The following PTPRT variants were observed in gnomAD, a reference collection of about 807,000 sequenced individuals.
PTPRT encodes protein tyrosine phosphatase receptor type T.
PTPRT carries 56 observed loss-of-function variants against 176.8 expected under a neutral mutation model. The ratio of observed to expected loss-of-function variants is 0.32; its 90% CI spans 0.26 to 0.40. The LOEUF (loss-of-function observed/expected upper bound fraction) is 0.40. Among genes scored for constraint, PTPRT ranks in the 10% least tolerant of loss-of-function variants. The probability of loss-of-function intolerance (pLI) is 1.00; values close to 1 mark genes in which losing one functional copy is unlikely to be tolerated. For missense variants in PTPRT, 1,540 were observed against 1,908.2 expected (o/e 0.81, Z 3.60); for synonymous variants, 783 against 739.0 (o/e 1.06, Z -0.96).
intron 12 of PTPRT, among the ~76,000 whole-genome samples, chr20:42,304,227 AT>A (rs2057512133): frequency 6.6e-6 from 1 of 151,826 alleles, no homozygotes; most frequent in African/African-American, 2.4e-5. Flanking sequence ...GACTTCACTA[AT>A]TTTTTTCCTC....
chr20:42,246,853 C>A (rs1336047906), intron 14 of PTPRT, among the ~76,000 whole-genome samples: 1 of 152,202 alleles, frequency 6.6e-6, no homozygotes, highest in Non-Finnish European at 1.5e-5. Context: ...ATATCTGTAA[C>A]TCTAAGAAAC....
chr20:42,511,774 T>C (rs886578345), intron 7 of PTPRT, among the ~76,000 whole-genome samples: 32 of 152,074 alleles, frequency 2.1e-4, no homozygotes, highest in Admixed American at 1.9e-3. Flanking sequence ...AAGGTCTATT[T>C]CCTTCTGAAA....
chr20:42,259,471 C>G (rs2056708440), intron 13 of PTPRT, among the ~76,000 whole-genome samples: 1 of 152,154 alleles, frequency 6.6e-6, no homozygotes, highest in African/African-American at 2.4e-5. Flanking sequence ...TCCATTTATA[C>G]CTCCCAATGA....
intron 1 of PTPRT, among the ~76,000 whole-genome samples, chr20:43,038,562 A>C (rs1986477127): frequency 6.6e-6 from 1 of 152,244 alleles, no homozygotes; most frequent in Admixed American, 6.5e-5. Context: ...AAAAAAGGAT[A>C]TCTGCTATGA....
At chr20:42,072,463 G>A (rs1356916703), downstream of PTPRT, among the ~76,000 whole-genome samples, 1 of 152,200 alleles carries the variant, frequency 6.6e-6, no homozygotes, top group Admixed American at 6.5e-5. Flanking sequence ...TTAGGAATCT[G>A]TATGTTTAAC....
chr20:42,032,072 A>T, the PTPRT span, among the ~76,000 whole-genome samples: 1 of 152,256 alleles, frequency 6.6e-6, no homozygotes, highest in Admixed American at 6.5e-5. Flanking sequence ...CTGGCTCCAT[A>T]ATTCATGCCA....
At chr20:42,646,854 A>G (rs961618842) in intron 7 of PTPRT, among the ~76,000 whole-genome samples, 1 of 125,990 alleles carries the variant, frequency 7.9e-6, no homozygotes, top group South Asian at 2.6e-4. Context: ...CTCAGGCTCT[A>G]TATCTAGAGA....
chr20:42,914,124 C>T (rs1400994290), intron 1 of PTPRT, among the ~76,000 whole-genome samples: 1 of 152,144 alleles, frequency 6.6e-6, no homozygotes, highest in Non-Finnish European at 1.5e-5. Flanking sequence ...TCTATAGTCC[C>T]TTGACAAATC....
chr20:43,090,369 G>A (rs2867599), intron 1 of PTPRT, among the ~76,000 whole-genome samples: 63,589 of 151,454 alleles, frequency 0.42, 13,822 homozygotes, highest in East Asian at 0.72. Flanking sequence ...CCGGGTTCAT[G>A]CCATTCTCCT....
At chr20:42,326,626 T>C (rs1459921552) in intron 11 of PTPRT, among the ~76,000 whole-genome samples, 1 of 152,030 alleles carries the variant, frequency 6.6e-6, no homozygotes, top group Non-Finnish European at 1.5e-5. Context: ...GGACTGACAT[T>C]GGAAGGAAAA....
intron 6 of PTPRT, 90 bp from the exon 7 acceptor site, chr20:42,678,249 G>A: frequency 1.6e-6 from 2 of 1,252,630 alleles, no homozygotes; most frequent in East Asian, 4.9e-5. Context: ...CAGAATTCTT[G>A]ATGTAGCCAC....
chr20:42,698,213 C>T (rs76111434), intron 6 of PTPRT, among the ~76,000 whole-genome samples: 1,758 of 152,178 alleles, frequency 0.012, 34 homozygotes, highest in African/African-American at 0.04. Flanking sequence ...CCTGAACTAT[C>T]GATGTTCTGC....
chr20:42,741,761 T>C (rs375778097), intron 6 of PTPRT, among the ~76,000 whole-genome samples: 21 of 152,018 alleles, frequency 1.4e-4, no homozygotes, highest in African/African-American at 5.1e-4. Context: ...GGTGGTAGCT[T>C]GGAGTTGGGG....
intron 2 of PTPRT, among the ~76,000 whole-genome samples, chr20:42,810,857 C>A (rs1433011290): frequency 6.6e-6 from 1 of 152,210 alleles, no homozygotes; most frequent in African/African-American, 2.4e-5. Context: ...CCAACCCGCC[C>A]CAGGTCTTAA....
Position 42,707,107 on chromosome 20 carries a change from A to G in PTPRT, c.860-28948T>C, listed in dbSNP as rs144516868. On this transcript the variant is annotated intron_variant, in intron 6 of 30. Transcript: ENST00000373187. ...TTCCAAAAGGAGTCTGGCCCTGCTA[A>G]CACCTTGCTGTCAGACTCTTAGCCT... Among the ~76,000 whole-genome samples, 507 of 152,330 alleles carry G rather than the reference A, an allele frequency of 3.3e-3. 2 individuals carry two copies. The highest frequency in any genetic ancestry group is 0.012 in the African/African-American group (480 of 41,568).
chr20:42,933,741 TG>T (rs1980009231), intron 1 of PTPRT, among the ~76,000 whole-genome samples: 1 of 152,216 alleles, frequency 6.6e-6, no homozygotes, highest in Non-Finnish European at 1.5e-5. Flanking sequence ...CTCTTTTTGT[TG>T]ATTTACTTTA....
At chr20:42,313,917 G>A (rs1016825571) in intron 12 of PTPRT, among the ~76,000 whole-genome samples, 2 of 152,094 alleles carry the variant, frequency 1.3e-5, no homozygotes, top group Admixed American at 6.5e-5. Context: ...ATTTAAATGG[G>A]TATGTGGACA....
At chr20:42,314,649 G>C (rs2057689584) in intron 12 of PTPRT, among the ~76,000 whole-genome samples, 1 of 151,856 alleles carries the variant, frequency 6.6e-6, no homozygotes. Flanking sequence ...TTGCAGAAAA[G>C]ACAATCTTAT....
intron 7 of PTPRT, among the ~76,000 whole-genome samples, chr20:42,674,337 G>A (rs147502872): frequency 6.6e-6 from 1 of 152,198 alleles, no homozygotes; most frequent in African/African-American, 2.4e-5. Context: ...TTTTTATATT[G>A]ATAGCCAGAT....
Sources: allele counts gnomAD v4.1 joint callset (sites outside exome capture counted in the v4.1 genomes callset), GRCh38; gene constraint gnomAD v4.1.1; transcripts MANE v1.5; gene names NCBI Gene and HGNC (gene_info 2026-07-23, HGNC 2026-07-21).